The following RYR2 variants were observed in gnomAD, a reference collection of about 807,000 sequenced individuals.
RYR2 encodes ryanodine receptor 2, also known as cardiac muscle ryanodine receptor-calcium release channel.
RYR2 carries 227 observed loss-of-function variants against 601.1 expected under a neutral mutation model. That is an observed-to-expected ratio of 0.38 (90% CI 0.34 to 0.42). The LOEUF (loss-of-function observed/expected upper bound fraction) is 0.42, where lower values mean the gene tolerates loss of function less well. RYR2 is among the 10% of genes least tolerant of loss of function. The pLI, the probability that RYR2 is intolerant of heterozygous loss-of-function variation, is 1.00. For missense variants in RYR2, 4,646 were observed against 6,156.5 expected (o/e 0.75, Z 8.21); for synonymous variants, 2,223 against 2,175.1 (o/e 1.02, Z -0.61).
chr1:237,093,325 G>C (rs1422989325), intron 1 of RYR2, among the ~76,000 whole-genome samples: 2 of 152,154 alleles, frequency 1.3e-5, no homozygotes, highest in Non-Finnish European at 2.9e-5. Context: ...GGTGGGCTAG[G>C]GGAGGAGCTG....
intron 7 of RYR2, among the ~76,000 whole-genome samples, chr1:237,376,336 C>T (rs1412358392): frequency 6.6e-6 from 1 of 152,114 alleles, no homozygotes; most frequent in African/African-American, 2.4e-5. Context: ...CTTATTCACT[C>T]ATGCAAAATG....
intron 2 of RYR2, among the ~76,000 whole-genome samples, chr1:237,303,262 C>T (rs6687722): frequency 0.055 from 7,752 of 140,232 alleles, 417 homozygotes; most frequent in African/African-American, 0.14. Flanking sequence ...TAATTTATAT[C>T]TATTCATATG....
intron 79 of RYR2, among the ~76,000 whole-genome samples, chr1:237,736,103 C>A (rs1408822754): frequency 6.6e-6 from 1 of 152,136 alleles, no homozygotes; most frequent in South Asian, 2.1e-4. Flanking sequence ...CATGAATCAC[C>A]AAATTGTTTT....
intron 81 of RYR2, among the ~76,000 whole-genome samples, 192 bp from the exon 82 acceptor site, chr1:237,757,505 A>T (rs1382020024): frequency 6.6e-6 from 1 of 152,186 alleles, no homozygotes; most frequent in Non-Finnish European, 1.5e-5. Context: ...AGAATTTATT[A>T]AAAATGTTGA....
intron 10 of RYR2, among the ~76,000 whole-genome samples, chr1:237,394,799 A>G (rs1455833800): frequency 6.6e-6 from 1 of 152,208 alleles, no homozygotes; most frequent in Admixed American, 6.5e-5. Context: ...TCACACTGCT[A>G]TAAAGAAATA....
intron 10 of RYR2, among the ~76,000 whole-genome samples, chr1:237,398,640 T>C (rs1221797264): frequency 1.3e-5 from 2 of 152,330 alleles, no homozygotes; most frequent in Middle Eastern, 3.4e-3. Context: ...CTGTCATATA[T>C]TGCTTGTAAA....
intron 1 of RYR2, among the ~76,000 whole-genome samples, chr1:237,083,762 G>C (rs1227969548): frequency 6.6e-6 from 1 of 152,080 alleles, no homozygotes; most frequent in Non-Finnish European, 1.5e-5. Flanking sequence ...TATATTACTG[G>C]CCTTACCACT....
chr1:237,282,527 A>T (rs1450956118), intron 2 of RYR2, among the ~76,000 whole-genome samples: 2 of 152,160 alleles, frequency 1.3e-5, no homozygotes, highest in Non-Finnish European at 2.9e-5. Flanking sequence ...TGCTAAAGGG[A>T]AAGCTAGACA....
chr1:237,117,987 C>G (rs996683064), intron 1 of RYR2, among the ~76,000 whole-genome samples: 6 of 152,284 alleles, frequency 3.9e-5, no homozygotes, highest in Non-Finnish European at 8.8e-5. Context: ...CTCAGGTGAT[C>G]CATTCTCCTC....
chr1:237,591,962 G>C, intron 32 of RYR2, 109 bp downstream of exon 32: 1 of 826,430 alleles, frequency 1.2e-6, no homozygotes, highest in Non-Finnish European at 1.8e-6. Context: ...TTTTTAAAAT[G>C]TCTGTTTCTG....
intron 1 of RYR2, among the ~76,000 whole-genome samples, chr1:237,125,927 T>A (rs1341378554): frequency 6.6e-6 from 1 of 152,208 alleles, no homozygotes; most frequent in East Asian, 1.9e-4. Flanking sequence ...GTTTTTAAAG[T>A]GCCACTATCT....
chr1:237,362,046 A>G (rs1699824841), intron 4 of RYR2, among the ~76,000 whole-genome samples: 1 of 152,162 alleles, frequency 6.6e-6, no homozygotes, highest in Non-Finnish European at 1.5e-5. Context: ...AAAATGTAGC[A>G]ATAGCAATTT....
intron 1 of RYR2, among the ~76,000 whole-genome samples, chr1:237,055,473 T>C (rs1228316574): frequency 6.6e-6 from 1 of 151,968 alleles, no homozygotes; most frequent in Non-Finnish European, 1.5e-5. Flanking sequence ...TGCAAGATAA[T>C]TCGGGCCTAA....
At chr1:237,274,632 C>G (rs141822601) in intron 2 of RYR2, among the ~76,000 whole-genome samples, 86 of 152,138 alleles carry the variant, frequency 5.7e-4, no homozygotes, top group African/African-American at 1.9e-3. Context: ...AAGTGTACAG[C>G]GTTTATAAAG....
At chr1:237,421,246 AAAT>A (rs1429662233) in intron 11 of RYR2, among the ~76,000 whole-genome samples, 1 of 152,176 alleles carries the variant, frequency 6.6e-6, no homozygotes, top group African/African-American at 2.4e-5. Flanking sequence ...CTCAAAATAA[AAAT>A]AATAGTAATA....
intron 24 of RYR2, 43 bp downstream of exon 24, chr1:237,511,834 G>GAAAAAA (rs71561879): frequency 1.3e-4 from 24 of 189,014 alleles, no homozygotes; most frequent in Non-Finnish European, 2.2e-4. Flanking sequence ...TGCCTTCCCT[G>GAAAAAA]AAAAAAAAAA....
chr1:237,820,153 C>T (rs1436351566), intron 101 of RYR2, among the ~76,000 whole-genome samples: 4 of 143,040 alleles, frequency 2.8e-5, no homozygotes, highest in African/African-American at 1.1e-4. Context: ...CACCATTGCA[C>T]TCTAGCCTGG....
intron 10 of RYR2, among the ~76,000 whole-genome samples, chr1:237,402,291 T>C (rs1176787631): frequency 2.7e-5 from 4 of 150,154 alleles, no homozygotes; most frequent in Non-Finnish European, 4.4e-5. Context: ...GTATAGCAAG[T>C]ATGGAGGAGA....
chr1:237,739,703 C>T (rs938069847), intron 79 of RYR2, among the ~76,000 whole-genome samples: 6 of 152,200 alleles, frequency 3.9e-5, no homozygotes, highest in African/African-American at 1.4e-4. Flanking sequence ...TCTTCTGTCT[C>T]ACCCATGAGC....
Sources: allele counts gnomAD v4.1 joint callset (sites outside exome capture counted in the v4.1 genomes callset), GRCh38; gene constraint gnomAD v4.1.1; transcripts MANE v1.5; gene names NCBI Gene and HGNC (gene_info 2026-07-23, HGNC 2026-07-21).